Variants in PPP3CB observed in about 807,000 individuals in gnomAD.
PPP3CB encodes the protein protein phosphatase 3 catalytic subunit beta.
A neutral mutation model predicts 66.4 loss-of-function variants in PPP3CB; 8 were observed. That is an observed-to-expected ratio of 0.12 (90% CI 0.07 to 0.22). The LOEUF (loss-of-function observed/expected upper bound fraction) is 0.22, where lower values mean the gene tolerates loss of function less well. PPP3CB is among the 10% of genes least tolerant of loss of function. The probability of loss-of-function intolerance (pLI) is 1.00; values close to 1 mark genes in which losing one functional copy is unlikely to be tolerated. For missense variants in PPP3CB, 319 were observed against 642.5 expected (o/e 0.50, Z 5.44); for synonymous variants, 208 against 221.2 (o/e 0.94, Z 0.53).
intron 1 of PPP3CB, among the ~76,000 whole-genome samples, chr10:73,494,707 GAGTC>G (rs912946015): frequency 6.6e-6 from 1 of 151,658 alleles, no homozygotes; most frequent in African/African-American, 2.4e-5. Flanking sequence ...GGAAACATAT[GAGTC>G]AGATTTCAAA....
At chr10:73,480,013 A>T (rs976280811) in intron 1 of PPP3CB, among the ~76,000 whole-genome samples, 1 of 152,032 alleles carries the variant, frequency 6.6e-6, no homozygotes, top group Non-Finnish European at 1.5e-5. Context: ...ACCCCACAAC[A>T]CTTTAATACC....
At chr10:73,483,352 AGTTTCAAATGAATAT>A (rs1475335409) in intron 1 of PPP3CB, among the ~76,000 whole-genome samples, 17 of 152,166 alleles carry the variant, frequency 1.1e-4, no homozygotes, top group African/African-American at 4.1e-4. Context: ...AAAAATAGGC[AGTTTCAAATGAATAT>A]GTTTTGGCTG....
rs2056187839 is a variant in PPP3CB, at chr10:73,443,286, C to CAGAAAGAAAGAAAGAAAGACAGAA, written c.1366+1438_1366+1439insTTCTGTCTTTCTTTCTTTCTTTCT. ...AGAGAGAGAAAGAAAGAAAGAAAGA[C>CAGAAAGAAAGAAAGAAAGACAGAA]AGAAAGAAAGAAAGAAAGAAAGAAA... On this transcript the variant is annotated intron_variant, in intron 12 of 13. Transcript: ENST00000360663. 4.3e-5 allele frequency among the ~76,000 whole-genome samples: 5 copies of CAGAAAGAAAGAAAGAAAGACAGAA among 115,706 alleles called. No individual in the cohort carries two copies. In the East Asian group the frequency reaches 1.2e-3, roughly 28 times the overall value. The allele number at this position is 115,706 out of a possible 152,430, so 75.9% of individuals were successfully genotyped here. A position where few individuals can be genotyped will look rare whatever the true frequency, so the allele number is the denominator to read the frequency against.
In PPP3CB at chr10:73,455,629, C is replaced by T. The variant is rs182794752; in HGVS notation, c.1109-1140G>A. Among the ~76,000 whole-genome samples, 7 of 152,204 alleles carry T rather than the reference C, an allele frequency of 4.6e-5. No individual in the cohort carries two copies. The East Asian group carries it at 9.7e-4, about 21-fold the overall frequency. On this transcript the variant is annotated intron_variant, in intron 9 of 13. Coordinates refer to ENST00000360663, the MANE Select transcript of PPP3CB (RefSeq NM_021132.4). ...TGTCGCCCAGGTTGGAGTGCAGTGG[C>T]GCGATCTCGGCTCACTGCAGGCTCC... is the stretch of plus-strand genomic sequence containing the variant.
intron 8 of PPP3CB, among the ~76,000 whole-genome samples, chr10:73,470,185 TA>T (rs1193023361): frequency 6.7e-6 from 1 of 149,872 alleles, no homozygotes; most frequent in Non-Finnish European, 1.5e-5. Context: ...GAAACTGAAT[TA>T]ATTAAAAAAA....
At chr10:73,479,710 C>T (rs1210582167) in intron 1 of PPP3CB, among the ~76,000 whole-genome samples, 193 bp from the exon 2 acceptor site, 2 of 152,100 alleles carry the variant, frequency 1.3e-5, no homozygotes, top group Non-Finnish European at 2.9e-5. Context: ...CTAACATGTT[C>T]TTTGTTGAGA....
chr10:73,462,683 C>T (rs900274086), intron 9 of PPP3CB, among the ~76,000 whole-genome samples: 1 of 152,050 alleles, frequency 6.6e-6, no homozygotes, highest in African/African-American at 2.4e-5. Context: ...GGTACAGTGG[C>T]TCACACCTGT....
chr10:73,467,417 CCCACTGA>C lies in PPP3CB; in HGVS notation c.1108+129_1108+135del, dbSNP rs1200967902. 6.4e-6 allele frequency: 4 copies of C among 627,236 alleles called. No homozygotes were observed. The African/African-American group carries it at 7.7e-5, about 12-fold the overall frequency. 38.9% of individuals were successfully genotyped at this position (627,236 alleles called of 1,614,324 possible). On this transcript the variant is annotated intron_variant, in intron 9 of 13. Transcript: ENST00000360663. ...TATCTTTGAGACTCTTATGTCCACA[CCCACTGA>C]CACAAGGAGAGCTGTAACCACAGTG...
chr10:73,454,390 AT>A, intron 10 of PPP3CB, 21 bp downstream of exon 10: 1 of 1,568,652 alleles, frequency 6.4e-7, no homozygotes. Context: ...AAAAAAAAAA[AT>A]AGTAAGATGA....
rs1336058802 is a variant in PPP3CB, at chr10:73,471,601, T to C, written c.536A>G (p.Tyr179Cys). Residue 179 changes from tyrosine (Y) to cysteine (C), a missense_variant, in exon 5 of 14, where the codon TAT becomes TGT. Around this residue, in one of 5 missense-constraint regions of PPP3CB, gnomAD observed 51 missense variants for 139.6 expected, o/e 0.37. Coordinates refer to ENST00000360663, the MANE Select transcript of PPP3CB (RefSeq NM_021132.4). ...FTFKQECKIKYSERVYEACME... is the reference protein window; with the variant it reads ...FTFKQECKIKCSERVYEACME... ...ACAAGCTTCATAGACTCTTTCCGAA[T>C]ACTTAATTTTACCTAGAAAAACAAA... The C allele has an allele frequency of 6.3e-7, 1 of 1,590,662 alleles. No homozygotes were observed. The highest frequency in any genetic ancestry group is 2.2e-5 in the East Asian group (1 of 44,642).
At position 73,436,578 on chromosome 10, in the gene PPP3CB, G is replaced by C. The variant is rs554700321; in HGVS notation, c.*1664C>G. On this transcript the variant is annotated 3_prime_UTR_variant, in exon 14 of 14. Coordinates refer to ENST00000360663, the MANE Select transcript of PPP3CB (RefSeq NM_021132.4). ...TATTAGACTTAGGAGGCCTACAGTA[G>C]GCATTCAAAGTCCTCTAGTGCTCAG... The C allele has an allele frequency of 7.2e-5, 11 of 152,098 alleles. No individual in the cohort carries two copies. Among genetic ancestry groups the C allele is most frequent in the Non-Finnish European group, 1.5e-4 (10 of 68,020 alleles). The allele number at this position is 152,098 out of a possible 1,614,324, so 9.4% of individuals were successfully genotyped here.
intron 1 of PPP3CB, among the ~76,000 whole-genome samples, chr10:73,484,760 C>A (rs1331563244): frequency 6.6e-6 from 1 of 151,926 alleles, no homozygotes; most frequent in Non-Finnish European, 1.5e-5. Context: ...ACCTAAAGAG[C>A]TACAAAATCG....
intron 9 of PPP3CB, among the ~76,000 whole-genome samples, chr10:73,455,379 T>C (rs959384478): frequency 6.6e-6 from 1 of 152,210 alleles, no homozygotes; most frequent in Non-Finnish European, 1.5e-5. Context: ...GGATCATTTT[T>C]CCCCAAAACT....
rs2056082946 is a variant in PPP3CB, at chr10:73,437,148, C to T, written c.*1094G>A. On this transcript the variant is annotated 3_prime_UTR_variant, in exon 14 of 14. Coordinates refer to ENST00000360663, the MANE Select transcript of PPP3CB (RefSeq NM_021132.4). ...ACATGCAGTCTTGACTTTTATGCTTCCACTAACATCTGAATGATTGAACAG... is the reference window on the plus strand; with the variant it reads ...ACATGCAGTCTTGACTTTTATGCTTTCACTAACATCTGAATGATTGAACAG... 6.6e-6 allele frequency: 1 copy of T among 152,660 alleles called. No homozygotes were observed. Among genetic ancestry groups the T allele is most frequent in the Admixed American group, 6.5e-5 (1 of 15,284 alleles). The allele number at this position is 152,660 out of a possible 1,614,324, so 9.5% of individuals were successfully genotyped here.
chr10:73,453,365 G>A (rs1044364996), intron 10 of PPP3CB, among the ~76,000 whole-genome samples: 2 of 152,136 alleles, frequency 1.3e-5, no homozygotes, highest in African/African-American at 2.4e-5. Flanking sequence ...GGATAATTTA[G>A]AACCCAGTTG....
At chr10:73,484,818 G>A (rs138210746) in intron 1 of PPP3CB, among the ~76,000 whole-genome samples, 7,074 of 152,048 alleles carry the variant, frequency 0.047, 502 homozygotes, top group African/African-American at 0.15. Flanking sequence ...TTGGGAGGTC[G>A]AGGCAGGTGG....
At chr10:73,478,248 C>T (rs913684232) in intron 3 of PPP3CB, among the ~76,000 whole-genome samples, 7 of 152,010 alleles carry the variant, frequency 4.6e-5, no homozygotes, top group African/African-American at 1.7e-4. Flanking sequence ...CAATAAAGAC[C>T]CCTCAGTCAG....
At chr10:73,454,299 C>A in intron 10 of PPP3CB, 113 bp downstream of exon 10, 2 of 526,064 alleles carry the variant, frequency 3.8e-6, no homozygotes, top group Non-Finnish European at 3.3e-6. Flanking sequence ...TATCAAATAG[C>A]ATAGTCTCTG....
intron 4 of PPP3CB, among the ~76,000 whole-genome samples, chr10:73,472,894 A>T (rs1011542563): frequency 5.3e-5 from 8 of 152,182 alleles, no homozygotes; most frequent in African/African-American, 1.4e-4. Flanking sequence ...GCTCCTTTAC[A>T]ACTTTAAATT....
Sources: gnomAD v4.1 joint callset for allele counts (sites outside exome capture counted in the v4.1 genomes callset) on GRCh38, gnomAD v4.1.1 for gene constraint, gnomAD v4.1.1 regional missense constraint, MANE v1.5 for transcripts, NCBI Gene and HGNC (gene_info 2026-07-23, HGNC 2026-07-21) for gene names.